UTP14C: variants seen among roughly 807,000 people sequenced by gnomAD.
UTP14C encodes U3 small nucleolar RNA-associated protein 14 homolog C.
In UTP14C, 10 loss-of-function variants were observed where a neutral mutation model predicts 14.6. That is an observed-to-expected ratio of 0.68 (90% CI 0.42 to 1.16). UTP14C has a LOEUF of 1.16. Ranked by LOEUF, UTP14C falls within the 50% of genes most tolerant of loss-of-function variation. The probability of loss-of-function intolerance (pLI) is 0.00; values close to 1 mark genes in which losing one functional copy is unlikely to be tolerated. For synonymous variants in UTP14C, 315 were observed against 331.6 expected (o/e 0.95, Z 0.54); for missense variants, 818 against 890.8 (o/e 0.92, Z 1.04).
Position 52,032,734 on chromosome 13 carries a change from GAA to G in UTP14C, c.*1633_*1634del, listed in dbSNP as rs1196255857. ...TTTTTGTTAGAGATGATCCCATTTAGAAAAAGACTGGTAGAAATTGGAGTGAA... is the reference window on the plus strand; with the variant it reads ...TTTTTGTTAGAGATGATCCCATTTAGAAAGACTGGTAGAAATTGGAGTGAA... On this transcript the variant is annotated 3_prime_UTR_variant, in exon 2 of 2. Transcript: ENST00000521776. 2 of 167,034 alleles carry G rather than the reference GAA, an allele frequency of 1.2e-5. No individual in the cohort carries two copies. The highest frequency in any genetic ancestry group is 1.5e-5 in the Non-Finnish European group (1 of 68,100). 10.3% of individuals were successfully genotyped at this position (167,034 alleles called of 1,614,324 possible).
chr13:52,028,819 G>A lies in UTP14C; in HGVS notation c.15G>A (p.Gln5=). Residue 5 remains glutamine, a synonymous_variant, in exon 2 of 2, where the codon CAG becomes CAA. Transcript: ENST00000521776. ...TGGCTGCTGAGATGAATGTGAACCA[G>A]GTTGCAGAGAATCTGGCTTTGAGCC... MNVN[Q]VAENLALSHQ... 1.2e-6 allele frequency: 2 copies of A among 1,614,232 alleles called. No individual in the cohort carries two copies. The highest frequency in any genetic ancestry group is 1.7e-6 in the Non-Finnish European group (2 of 1,180,040).
intron 1 of UTP14C, among the ~76,000 whole-genome samples, chr13:52,026,566 C>A (rs1224402741): frequency 6.6e-6 from 1 of 152,136 alleles, no homozygotes; most frequent in Non-Finnish European, 1.5e-5. Context: ...GAGAAACATT[C>A]TGCAGTAGTA....
Position 52,030,069 on chromosome 13 carries a change from T to C in UTP14C, c.1265T>C (p.Phe422Ser). 1.2e-6 allele frequency: 2 copies of C among 1,614,058 alleles called. No homozygotes were observed. Among genetic ancestry groups the C allele is most frequent in the Non-Finnish European group, 1.7e-6 (2 of 1,180,014 alleles). Residue 422 changes from phenylalanine (F) to serine (S), a missense_variant, in exon 2 of 2, where the codon TTT becomes TCT. Physicochemically the swap from Phe to Ser is radical, Grantham distance 155 (BLOSUM62 -2). Transcript: ENST00000521776. ...GAGGAAGAAATTTTGTTGAGAGAAT[T>C]TGAGGAAAGGCAATCCCTTAGAAAA... The part of the protein sequence containing the change: ...VAEEEILLRE[F>S]EERQSLRKRS...
At chr13:52,024,970 CCATGAGATACA>C (rs1310411025) in intron 1 of UTP14C, 33 bp downstream of exon 1, 1 of 1,570,574 alleles carries the variant, frequency 6.4e-7, no homozygotes, top group South Asian at 1.1e-5. Flanking sequence ...TTGTTTGGTG[CCATGAGATACA>C]CATTTTAAGT....
chr13:52,029,430 CCT>C lies in UTP14C; in HGVS notation c.632_633del (p.Leu211ProfsTer26). 1 of 1,614,142 alleles carries C rather than the reference CCT, an allele frequency of 6.2e-7. No individual in the cohort carries two copies. The highest frequency in any genetic ancestry group is 8.5e-7 in the Non-Finnish European group (1 of 1,180,026). On this transcript the variant is annotated frameshift_variant, in exon 2 of 2. Coordinates refer to ENST00000521776, the MANE Select transcript of UTP14C (RefSeq NM_021645.6). LOFTEE classifies it low-confidence loss of function (END_TRUNC). ...CCTTTACTGACTCCCATGGAAAAGG[CCT>C]CTCTCCAAGCCATGAGCCTGGAAGA...
At chr13:52,027,021 A>T (rs545589228) in intron 1 of UTP14C, among the ~76,000 whole-genome samples, 25 of 152,162 alleles carry the variant, frequency 1.6e-4, no homozygotes, top group Non-Finnish European at 2.9e-4. Context: ...TGTCTTAGAA[A>T]CCAAGGAAGA....
rs755943432 is a variant in UTP14C at position 52,029,983 on chromosome 13, A to G, written c.1179A>G (p.Gln393=). 1 of 1,614,264 alleles carries G rather than the reference A, an allele frequency of 6.2e-7. No homozygotes were observed. The highest frequency in any genetic ancestry group is 8.5e-7 in the Non-Finnish European group (1 of 1,180,054). ...CTGCAACACAGGAGGACCCTGAGCA[A>G]GTGCCAGAGCTTGCAGCTCATGAGG... ...KEAATQEDPE[Q]VPELAAHEVS... Residue 393 remains glutamine (Q), a synonymous_variant, in exon 2 of 2, where the codon CAA becomes CAG. Transcript: ENST00000521776.
In UTP14C at chr13:52,031,351, T is replaced by G. The variant is rs553467950; in HGVS notation, c.*246T>G. On this transcript the variant is annotated 3_prime_UTR_variant, in exon 2 of 2. Coordinates refer to ENST00000521776, the MANE Select transcript of UTP14C (RefSeq NM_021645.6). Reference sequence around the variant, plus strand: ...CAATACAGTGGATGACCCTTTTGAATATACCTAATGATTTCCTTAAAAAAG... The same window carrying G: ...CAATACAGTGGATGACCCTTTTGAAGATACCTAATGATTTCCTTAAAAAAG... The G allele has an allele frequency of 3.7e-6, 2 of 543,488 alleles. No individual in the cohort carries two copies. The highest frequency in any genetic ancestry group is 6.9e-5 in the South Asian group (2 of 28,948). The allele number at this position is 543,488 out of a possible 1,614,324, so 33.7% of individuals were successfully genotyped here.
In UTP14C at chr13:52,030,458, GAGA is replaced by G; in HGVS notation, c.1657_1659del (p.Lys553del). The stretch of plus-strand genomic sequence containing the variant: ...GCCTGATGCCCCTAAGGAGAAGAAA[GAGA>G]AGGAGCAACTGATCAACCTACAGAA... On this transcript the variant is annotated inframe_deletion, in exon 2 of 2. Transcript: ENST00000521776. The G allele has an allele frequency of 1.2e-6, 2 of 1,614,238 alleles. No individual in the cohort carries two copies. The highest frequency in any genetic ancestry group is 1.7e-6 in the Non-Finnish European group (2 of 1,180,052).
chr13:52,031,131 C>T lies in UTP14C; in HGVS notation c.*26C>T, dbSNP rs1566715467. 6.3e-7 allele frequency: 1 copy of T among 1,580,598 alleles called. No homozygotes were observed. Among genetic ancestry groups the T allele is most frequent in the Admixed American group, 1.8e-5 (1 of 56,262 alleles). On this transcript the variant is annotated 3_prime_UTR_variant, in exon 2 of 2. Transcript: ENST00000521776. ...GTTGTGTAGCTGGAGAAGTGACAGT[C>T]AGGGGCCCTGATTCCACTTCCTTTG...
In UTP14C at chr13:52,032,969, C is replaced by G. The variant is rs889559642; in HGVS notation, c.*1864C>G. 6.0e-6 allele frequency: 1 copy of G among 167,006 alleles called. No individual in the cohort carries two copies. Among genetic ancestry groups the G allele is most frequent in the African/African-American group, 2.4e-5 (1 of 41,432 alleles). 10.3% of individuals were successfully genotyped at this position (167,006 alleles called of 1,614,324 possible). A position where few individuals can be genotyped will look rare whatever the true frequency, so the allele number is the denominator to read the frequency against. ...TTGAAGTAAGATTCAAACTGTTATC[C>G]ACTCAATTGCCTTATTCCTGAGGAT... On this transcript the variant is annotated 3_prime_UTR_variant, in exon 2 of 2. Coordinates refer to ENST00000521776, the MANE Select transcript of UTP14C (RefSeq NM_021645.6).
In UTP14C at chr13:52,029,229, A is replaced by G. The variant is rs773822260; in HGVS notation, c.425A>G (p.Lys142Arg). ...AFSKTSQVLS[K>R]WDPIILKNQQ... is the part of the protein sequence containing the mutation. ...AGTAAAACCTCACAGGTCCTCTCCA[A>G]ATGGGACCCTATCATCCTGAAGAAC... is the stretch of plus-strand genomic sequence containing the variant. Residue 142 changes from lysine to arginine, a missense_variant, in exon 2 of 2, where the codon AAA becomes AGA. Physicochemically the swap from Lys to Arg is conservative, Grantham distance 26. Transcript: ENST00000521776. The G allele has an allele frequency of 6.8e-6, 11 of 1,614,198 alleles. No homozygotes were observed. Among genetic ancestry groups the G allele is most frequent in the African/African-American group, 1.3e-5 (1 of 75,050 alleles).
chr13:52,028,680 A>G lies in UTP14C; in HGVS notation c.-125A>G, dbSNP rs768100163. On this transcript the variant is annotated 5_prime_UTR_variant, in exon 2 of 2. Coordinates refer to ENST00000521776, the MANE Select transcript of UTP14C (RefSeq NM_021645.6). ...TTTTCTAAATTCAATCTCATTTGTC[A>G]AATCATTTTACTTTAGAAAACAGAC... 1.3e-6 allele frequency: 2 copies of G among 1,561,528 alleles called. No individual in the cohort carries two copies. Among genetic ancestry groups the G allele is most frequent in the East Asian group, 2.3e-5 (1 of 42,822 alleles).
At chr13:52,027,496 C>T (rs1340552826) in intron 1 of UTP14C, among the ~76,000 whole-genome samples, 1 of 152,194 alleles carries the variant, frequency 6.6e-6, no homozygotes, top group African/African-American at 2.4e-5. Flanking sequence ...AATTTCTCTC[C>T]TATACATCCA....
In UTP14C at chr13:52,031,244, T is replaced by C; in HGVS notation, c.*139T>C. ...AGCCACATTTTTTAAAAAAAGAAAATGGATGACCATTAATTGACTAGCATT... is the reference window on the plus strand; with the variant it reads ...AGCCACATTTTTTAAAAAAAGAAAACGGATGACCATTAATTGACTAGCATT... On this transcript the variant is annotated 3_prime_UTR_variant, in exon 2 of 2. Coordinates refer to ENST00000521776, the MANE Select transcript of UTP14C (RefSeq NM_021645.6). The C allele has an allele frequency of 1.6e-6, 2 of 1,262,122 alleles. No homozygotes were observed. Among genetic ancestry groups the C allele is most frequent in the African/African-American group, 1.5e-5 (1 of 66,232 alleles). The allele number at this position is 1,262,122 out of a possible 1,614,324, so 78.2% of individuals were successfully genotyped here.
chr13:52,026,664 G>T (rs1466976363), intron 1 of UTP14C, among the ~76,000 whole-genome samples: 1 of 152,204 alleles, frequency 6.6e-6, no homozygotes, highest in Non-Finnish European at 1.5e-5. Context: ...GCAGCTGTGA[G>T]AATGGTGTTG....
In UTP14C at chr13:52,028,857, T is replaced by G. The variant is rs746660464; in HGVS notation, c.53T>G (p.Leu18Arg). ...ENLALSHQEE[L>R]VDLPKNYPLS... ...CTGGCTTTGAGCCACCAGGAAGAAC[T>G]AGTGGATTTGCCAAAAAACTACCCC... Residue 18 changes from leucine to arginine, a missense_variant, in exon 2 of 2, where the codon CTA becomes CGA. Physicochemically the swap from Leu to Arg is moderately radical, Grantham distance 102. Coordinates refer to ENST00000521776, the MANE Select transcript of UTP14C (RefSeq NM_021645.6). 6.2e-7 allele frequency: 1 copy of G among 1,614,216 alleles called. No individual in the cohort carries two copies. The highest frequency in any genetic ancestry group is 2.2e-5 in the East Asian group (1 of 44,882).
chr13:52,024,766 C>T lies in UTP14C; in HGVS notation c.-658C>T, dbSNP rs201343222. 3.7e-6 allele frequency: 6 copies of T among 1,613,988 alleles called. No individual in the cohort carries two copies. Among genetic ancestry groups the T allele is most frequent in the African/African-American group, 2.7e-5 (2 of 74,884 alleles). ...TAAACTTGTCCTCATTGGAGGTTGTCGTAACAAAGATGATGAACTTAGGGT... is the reference window on the plus strand; with the variant it reads ...TAAACTTGTCCTCATTGGAGGTTGTTGTAACAAAGATGATGAACTTAGGGT... On this transcript the variant is annotated 5_prime_UTR_variant, in exon 1 of 2. Coordinates refer to ENST00000521776, the MANE Select transcript of UTP14C (RefSeq NM_021645.6).
rs750644292 is a variant in UTP14C at position 52,028,787 on chromosome 13, G to A, written c.-18G>A. The A allele has an allele frequency of 8.1e-6, 13 of 1,614,184 alleles. No homozygotes were observed. Among genetic ancestry groups the A allele is most frequent in the Admixed American group, 1.7e-5 (1 of 60,016 alleles). On this transcript the variant is annotated 5_prime_UTR_variant, in exon 2 of 2. Coordinates refer to ENST00000521776, the MANE Select transcript of UTP14C (RefSeq NM_021645.6). Reference sequence around the variant, plus strand: ...CGGCTTCCATTCTTGGTATACATGAGAGAGGCTGGCTGCTGAGATGAATGT... The same window carrying A: ...CGGCTTCCATTCTTGGTATACATGAAAGAGGCTGGCTGCTGAGATGAATGT...
Sources: allele counts gnomAD v4.1 joint callset (sites outside exome capture counted in the v4.1 genomes callset), GRCh38; gene constraint gnomAD v4.1.1; transcripts MANE v1.5; gene names NCBI Gene and HGNC (gene_info 2026-07-23, HGNC 2026-07-21).